Variants in TAFA1 observed in about 807,000 individuals in gnomAD.
TAFA1 encodes TAFA chemokine like family member 1, also known as chemokine-like protein TAFA-1.
A neutral mutation model predicts 18.5 loss-of-function variants in TAFA1; 4 were observed. The ratio of observed to expected loss-of-function variants is 0.22; its 90% confidence interval spans 0.11 to 0.49. The LOEUF is 0.49. Ranked by LOEUF, TAFA1 falls within the 20% of genes least tolerant of loss-of-function variation. The pLI, the probability that TAFA1 is intolerant of heterozygous loss-of-function variation, is 0.98. For missense variants in TAFA1, 147 were observed against 169.0 expected (o/e 0.87, Z 0.72); for synonymous variants, 56 against 55.2 (o/e 1.01, Z -0.06).
chr3:68,072,423 G>T (rs1175757189), intron 2 of TAFA1, among the ~76,000 whole-genome samples: 2 of 152,174 alleles, frequency 1.3e-5, no homozygotes, highest in Admixed American at 6.5e-5. Context: ...GTTACAGAGG[G>T]TGGTGTTTTA....
intron 3 of TAFA1, among the ~76,000 whole-genome samples, chr3:68,467,515 G>T (rs979839545): frequency 1.3e-5 from 2 of 152,140 alleles, no homozygotes; most frequent in African/African-American, 4.8e-5. Context: ...ATTCAAGGTG[G>T]GCCATGATGA....
chr3:68,291,394 CT>C (rs1447605364), intron 2 of TAFA1, among the ~76,000 whole-genome samples: 4 of 152,146 alleles, frequency 2.6e-5, no homozygotes, highest in African/African-American at 9.6e-5. Flanking sequence ...TTGTTAAACC[CT>C]TTACAGGAAT....
chr3:68,153,622 C>T (rs918086809), intron 2 of TAFA1, among the ~76,000 whole-genome samples: 3 of 152,058 alleles, frequency 2.0e-5, no homozygotes, highest in African/African-American at 4.8e-5. Context: ...GAATTAGCAT[C>T]ACTTGTATTT....
At chr3:68,100,592 A>C (rs1352140857) in intron 2 of TAFA1, among the ~76,000 whole-genome samples, 1 of 152,210 alleles carries the variant, frequency 6.6e-6, no homozygotes, top group African/African-American at 2.4e-5. Context: ...ACTCAGCTCA[A>C]TTCCATTCTA....
chr3:68,445,556 G>A (rs1011187978), intron 3 of TAFA1, among the ~76,000 whole-genome samples: 14 of 152,112 alleles, frequency 9.2e-5, no homozygotes, highest in African/African-American at 2.4e-4. Flanking sequence ...AGCATTCAGC[G>A]TGAAAATTTT....
chr3:68,524,659 T>TTGTTTC (rs1384753448), intron 3 of TAFA1, among the ~76,000 whole-genome samples: 1 of 143,126 alleles, frequency 7.0e-6, no homozygotes, highest in African/African-American at 2.5e-5. Context: ...AGGTTGTTTT[T>TTGTTTC]TGTTTTTGTT....
chr3:68,037,748 C>T (rs1008320543), intron 2 of TAFA1, among the ~76,000 whole-genome samples: 5 of 152,262 alleles, frequency 3.3e-5, no homozygotes, highest in South Asian at 4.1e-4. Context: ...CCAGAGGCAA[C>T]GTGGAGAGAG....
intron 3 of TAFA1, among the ~76,000 whole-genome samples, chr3:68,455,833 G>A (rs906893361): frequency 6.6e-6 from 1 of 152,150 alleles, no homozygotes; most frequent in Admixed American, 6.6e-5. Context: ...ATCTTCAATG[G>A]TGTAATCCTT....
At chr3:68,276,374 C>T (rs1051577585) in intron 2 of TAFA1, among the ~76,000 whole-genome samples, 4 of 152,150 alleles carry the variant, frequency 2.6e-5, no homozygotes, top group Admixed American at 1.3e-4. Flanking sequence ...GCATTCCCCT[C>T]TTGCGACAAC....
chr3:68,224,824 C>T (rs1559565186), intron 2 of TAFA1, among the ~76,000 whole-genome samples: 2 of 148,972 alleles, frequency 1.3e-5, no homozygotes, highest in Non-Finnish European at 3.0e-5. Context: ...GAGGGGGTTA[C>T]GAGCCAGGAG....
At chr3:68,351,265 G>A (rs112061912) in intron 2 of TAFA1, among the ~76,000 whole-genome samples, 7 of 152,102 alleles carry the variant, frequency 4.6e-5, no homozygotes, top group South Asian at 4.1e-4. Context: ...TGTTGAAAGT[G>A]GAAGGTCTCA....
At chr3:68,022,701 G>C (rs1331245801) in intron 2 of TAFA1, among the ~76,000 whole-genome samples, 2 of 150,792 alleles carry the variant, frequency 1.3e-5, no homozygotes, top group Non-Finnish European at 3.0e-5. Context: ...AAAATGCATT[G>C]GTTTATCATG....
intron 2 of TAFA1, among the ~76,000 whole-genome samples, chr3:68,341,795 G>A (rs1174266498): frequency 1.3e-5 from 2 of 152,158 alleles, no homozygotes; most frequent in Non-Finnish European, 2.9e-5. Flanking sequence ...GGTTTCAGGA[G>A]GAGTCACCGA....
In TAFA1 at chr3:68,059,345, T is replaced by C. The variant is rs187319419; in HGVS notation, c.118+52601T>C. Among the ~76,000 whole-genome samples the C allele has an allele frequency of 1.9e-4, 29 of 152,228 alleles. 1 individual carries two copies. Among genetic ancestry groups the C allele is most frequent in the Middle Eastern group, 6.8e-3 (2 of 294 alleles). ...CCTTATAACAACCCTGGAAAGTAGA[T>C]TCTATTATTTGAATGCGTAGATGAG... is the stretch of plus-strand genomic sequence containing the variant. On this transcript the variant is annotated intron_variant, in intron 2 of 4. Transcript: ENST00000478136.
At chr3:68,013,769 G>T (rs1271805743) in intron 2 of TAFA1, among the ~76,000 whole-genome samples, 1 of 152,170 alleles carries the variant, frequency 6.6e-6, no homozygotes, top group East Asian at 1.9e-4. Context: ...AGGGAACTCT[G>T]TTGGCCCATT....
At chr3:68,236,330 A>G (rs1014745499) in intron 2 of TAFA1, among the ~76,000 whole-genome samples, 8 of 152,236 alleles carry the variant, frequency 5.3e-5, no homozygotes, top group African/African-American at 1.9e-4. Context: ...TCAATGATTC[A>G]TACTTTAAAA....
At chr3:68,148,285 T>A (rs1340079639) in intron 2 of TAFA1, among the ~76,000 whole-genome samples, 1 of 152,246 alleles carries the variant, frequency 6.6e-6, no homozygotes, top group African/African-American at 2.4e-5. Context: ...TGACGTAGCA[T>A]AGCAGTCTGT....
chr3:68,067,457 AG>A lies in TAFA1; in HGVS notation c.118+60715del, dbSNP rs1293572335. On this transcript the variant is annotated intron_variant, in intron 2 of 4. Coordinates refer to ENST00000478136, the MANE Select transcript of TAFA1 (RefSeq NM_213609.4). ...AATGTCCTTTTTCCTCCAGGAGTGG[AG>A]GCTCCATGAGAGTGAGGAATGTGGT... Among the ~76,000 whole-genome samples, 4 of 152,266 alleles carry A rather than the reference AG, an allele frequency of 2.6e-5. No homozygotes were observed. The East Asian group carries it at 7.7e-4, about 29-fold the overall frequency.
chr3:68,440,732 T>C (rs2071360429), intron 3 of TAFA1, among the ~76,000 whole-genome samples: 1 of 152,150 alleles, frequency 6.6e-6, no homozygotes, highest in Admixed American at 6.5e-5. Flanking sequence ...TCACAGGGAA[T>C]GGTAATACTA....
Sources: allele counts gnomAD v4.1 joint callset (sites outside exome capture counted in the v4.1 genomes callset), GRCh38; gene constraint gnomAD v4.1.1; transcripts MANE v1.5; gene names NCBI Gene and HGNC (gene_info 2026-07-23, HGNC 2026-07-21).